Variants in ABCC4 observed in about 807,000 individuals in gnomAD.
The protein encoded by ABCC4 is ATP-binding cassette sub-family C member 4.
In ABCC4, 102 loss-of-function variants were observed where a neutral mutation model predicts 168.5. The ratio of observed to expected loss-of-function variants is 0.61; its 90% CI spans 0.52 to 0.71. ABCC4 has a LOEUF of 0.71. ABCC4 is among the 30% of genes least tolerant of loss of function. The pLI, the probability that ABCC4 is intolerant of heterozygous loss-of-function variation, is 0.00. For synonymous variants in ABCC4, 617 were observed against 590.7 expected (o/e 1.04, Z -0.65); for missense variants, 1,402 against 1,605.8 (o/e 0.87, Z 2.17).
At position 95,043,765 on chromosome 13, in the gene ABCC4, T is replaced by C. The variant is rs2032460645; in HGVS notation, c.3652A>G (p.Lys1218Glu). ...CAGTGGGCAAATTTCTCCCGGATTT[T>C]TTTTTGTATTAACTCATCAGTTCTG... ...DPRTDELIQK[K>E]IREKFAHCTV... The change falls in exon 29 of 31, where the codon AAA becomes GAA. Residue 1218 changes from lysine (K) to glutamate (E), a missense_variant. Lys to Glu is a moderately conservative substitution (Grantham distance 56). This residue lies in a region of ABCC4 where 1,007 missense variants were observed against 1,127.3 expected (regional missense o/e 0.89). Coordinates refer to ENST00000645237, the MANE Select transcript of ABCC4 (RefSeq NM_005845.5). 6.2e-7 allele frequency: 1 copy of C among 1,613,950 alleles called. No individual in the cohort carries two copies. Among genetic ancestry groups the C allele is most frequent in the Non-Finnish European group, 8.5e-7 (1 of 1,179,834 alleles).
chr13:95,132,492 C>T (rs2036002707), intron 19 of ABCC4, among the ~76,000 whole-genome samples: 1 of 152,196 alleles, frequency 6.6e-6, no homozygotes. Context: ...GCTGGGATTA[C>T]AAGTGTAAGC....
intron 4 of ABCC4, among the ~76,000 whole-genome samples, chr13:95,227,238 GCTTT>G (rs1267306340): frequency 6.6e-6 from 1 of 152,126 alleles, no homozygotes; most frequent in African/African-American, 2.4e-5. Context: ...TCCTTAACTT[GCTTT>G]CTTAGCTCAA....
chr13:95,120,996 C>T (rs1034571059), intron 19 of ABCC4, among the ~76,000 whole-genome samples: 4 of 152,098 alleles, frequency 2.6e-5, no homozygotes, highest in African/African-American at 9.7e-5. Context: ...TCAGCTTAGA[C>T]CAAAATGAGA....
chr13:95,078,580 C>T (rs1418615177), intron 21 of ABCC4, among the ~76,000 whole-genome samples: 1 of 152,196 alleles, frequency 6.6e-6, no homozygotes, highest in East Asian at 1.9e-4. Context: ...GTGAGAAAGG[C>T]TGGATGTTCT....
intron 11 of ABCC4, among the ~76,000 whole-genome samples, chr13:95,181,927 G>C (rs1307080035): frequency 6.6e-6 from 1 of 152,056 alleles, no homozygotes; most frequent in Non-Finnish European, 1.5e-5. Flanking sequence ...AGTCACCCTA[G>C]TTAGATTCAC....
intron 1 of ABCC4, among the ~76,000 whole-genome samples, chr13:95,284,837 T>C (rs965735075): frequency 3.9e-5 from 6 of 152,156 alleles, no homozygotes; most frequent in African/African-American, 1.4e-4. Context: ...CCGTGGGAAA[T>C]AATAGTACCC....
chr13:95,102,873 G>A (rs1187925538), intron 20 of ABCC4, among the ~76,000 whole-genome samples: 2 of 151,058 alleles, frequency 1.3e-5, no homozygotes, highest in Non-Finnish European at 3.0e-5. Context: ...CACCCACCTT[G>A]GCCTCCCAAA....
intron 5 of ABCC4, 78 bp downstream of exon 5, chr13:95,210,609 GTGAGC>G: frequency 4.2e-6 from 1 of 240,528 alleles, no homozygotes; most frequent in Non-Finnish European, 7.5e-6. Context: ...TGTGAACAGA[GTGAGC>G]CCCTGCCTCC....
intron 26 of ABCC4, among the ~76,000 whole-genome samples, chr13:95,061,640 C>A: frequency 7.4e-6 from 1 of 134,830 alleles, no homozygotes; most frequent in Non-Finnish European, 1.6e-5. Context: ...GTGTGTGTTC[C>A]TCAGCTCCCC....
At chr13:95,153,953 T>C (rs1357769516) in intron 19 of ABCC4, among the ~76,000 whole-genome samples, 3 of 152,178 alleles carry the variant, frequency 2.0e-5, no homozygotes, top group Non-Finnish European at 4.4e-5. Context: ...TCACCCCTGA[T>C]AAGAGTTTAA....
intron 30 of ABCC4, among the ~76,000 whole-genome samples, chr13:95,031,499 T>C (rs1459804582): frequency 1.3e-5 from 2 of 152,224 alleles, no homozygotes; most frequent in Non-Finnish European, 2.9e-5. Flanking sequence ...TCCTCATCAA[T>C]ACAGTAAGAC....
At chr13:95,288,837 T>C (rs1288771694) in intron 1 of ABCC4, among the ~76,000 whole-genome samples, 1 of 152,192 alleles carries the variant, frequency 6.6e-6, no homozygotes, top group Non-Finnish European at 1.5e-5. Flanking sequence ...GCCTAATATG[T>C]ACTAGGAACT....
intron 30 of ABCC4, 105 bp downstream of exon 30, chr13:95,034,500 A>G (rs1471665408): frequency 7.0e-7 from 1 of 1,421,738 alleles, no homozygotes; most frequent in Non-Finnish European, 9.3e-7. Flanking sequence ...GCAGGCTTAT[A>G]ATTGAAAAGG....
At chr13:95,237,601 C>T (rs1263870883) in intron 3 of ABCC4, among the ~76,000 whole-genome samples, 1 of 152,140 alleles carries the variant, frequency 6.6e-6, no homozygotes, top group Non-Finnish European at 1.5e-5. Context: ...TCCCAGAGTA[C>T]TTGAAGGCAG....
At chr13:95,212,960 T>A (rs970428688) in intron 4 of ABCC4, among the ~76,000 whole-genome samples, 5 of 151,970 alleles carry the variant, frequency 3.3e-5, no homozygotes, top group African/African-American at 1.2e-4. Flanking sequence ...AATCCCTGTC[T>A]CTACAAAAAT....
At chr13:95,098,254 C>T (rs945634348) in intron 20 of ABCC4, among the ~76,000 whole-genome samples, 7 of 151,108 alleles carry the variant, frequency 4.6e-5, no homozygotes, top group Admixed American at 2.0e-4. Flanking sequence ...ACTTTAAATG[C>T]ATATATTATG....
chr13:95,069,953 A>T (rs1228872009), intron 25 of ABCC4, among the ~76,000 whole-genome samples: 1 of 152,204 alleles, frequency 6.6e-6, no homozygotes, highest in Non-Finnish European at 1.5e-5. Flanking sequence ...TACATTAAAG[A>T]ATCTGGCCAG....
At chr13:95,254,503 C>T (rs118014463) in intron 1 of ABCC4, among the ~76,000 whole-genome samples, 2 of 152,152 alleles carry the variant, frequency 1.3e-5, no homozygotes, top group South Asian at 2.1e-4. Flanking sequence ...AAACAGAACA[C>T]CTTTTCATCC....
chr13:95,163,604 A>G lies in ABCC4; in HGVS notation c.2213+6T>C. The G allele has an allele frequency of 1.2e-6, 2 of 1,610,816 alleles. No homozygotes were observed. Among genetic ancestry groups the G allele is most frequent in the Non-Finnish European group, 1.7e-6 (2 of 1,177,500 alleles). On this transcript the variant is annotated splice_donor_region_variant and intron_variant, in intron 17 of 30. Transcript: ENST00000645237. ...TATTTCATACATCAGACCAGAAATA[A>G]CTTACCAGTATGAAAGCCACCAATC...
Sources: gnomAD v4.1 joint callset for allele counts (sites outside exome capture counted in the v4.1 genomes callset) on GRCh38, gnomAD v4.1.1 for gene constraint, gnomAD v4.1.1 regional missense constraint, MANE v1.5 for transcripts, NCBI Gene and HGNC (gene_info 2026-07-23, HGNC 2026-07-21) for gene names.